Variants in WWOX observed in about 807,000 individuals in gnomAD.
WWOX encodes WW domain containing oxidoreductase.
A neutral mutation model predicts 46.2 loss-of-function variants in WWOX; 69 were observed. The observed-to-expected ratio is 1.49, with a 90% CI of 1.23 to 1.82. WWOX has a LOEUF of 1.82. Among genes scored for constraint, WWOX ranks in the 40% most tolerant of loss-of-function variants. WWOX has a pLI of 0.00. For synonymous variants in WWOX, 359 were observed against 202.6 expected (o/e 1.77, Z -6.56); for missense variants, 919 against 542.6 (o/e 1.69, Z -6.89).
intron 5 of WWOX, among the ~76,000 whole-genome samples, chr16:78,239,016 C>T (rs150317903): frequency 3.6e-4 from 55 of 152,272 alleles, no homozygotes; most frequent in East Asian, 2.7e-3. Flanking sequence ...CTCTCCACTT[C>T]GTGGACTCCT....
chr16:78,179,009 C>T (rs1027674901), intron 5 of WWOX, among the ~76,000 whole-genome samples: 2 of 152,036 alleles, frequency 1.3e-5, no homozygotes, highest in African/African-American at 4.8e-5. Context: ...GAGGAGAAGC[C>T]AGGGCACTTG....
chr16:79,210,166 G>A (rs1306955367), intron 8 of WWOX, among the ~76,000 whole-genome samples: 4 of 152,164 alleles, frequency 2.6e-5, no homozygotes, highest in Non-Finnish European at 5.9e-5. Context: ...TCACTTGACT[G>A]CATTTGACCA....
At chr16:79,003,416 C>G (rs956503555) in intron 8 of WWOX, among the ~76,000 whole-genome samples, 1 of 152,182 alleles carries the variant, frequency 6.6e-6, no homozygotes, top group African/African-American at 2.4e-5. Flanking sequence ...GCCTCTTCCG[C>G]TTATCTATTG....
chr16:78,853,614 C>A (rs892242676), intron 8 of WWOX, among the ~76,000 whole-genome samples: 3 of 152,120 alleles, frequency 2.0e-5, no homozygotes, highest in Admixed American at 1.3e-4. Flanking sequence ...AGGATTTTAT[C>A]TGAAAAACCT....
intron 8 of WWOX, among the ~76,000 whole-genome samples, chr16:78,887,763 T>A (rs2044498827): frequency 6.6e-6 from 1 of 152,232 alleles, no homozygotes; most frequent in African/African-American, 2.4e-5. Flanking sequence ...CCATTTGCCT[T>A]TCGGGATGTT....
At chr16:79,210,762 C>G (rs202244297) in intron 8 of WWOX, among the ~76,000 whole-genome samples, 1 of 152,030 alleles carries the variant, frequency 6.6e-6, no homozygotes, top group African/African-American at 2.4e-5. Flanking sequence ...TATAGCATCC[C>G]TGACAGTATT....
intron 8 of WWOX, among the ~76,000 whole-genome samples, chr16:78,682,783 C>T (rs2047760654): frequency 6.6e-6 from 1 of 152,166 alleles, no homozygotes. Context: ...GGAGCCAGTA[C>T]TTCTTGCACC....
At chr16:78,292,126 G>A (rs1424385186) in intron 5 of WWOX, among the ~76,000 whole-genome samples, 1 of 149,538 alleles carries the variant, frequency 6.7e-6, no homozygotes, top group Non-Finnish European at 1.5e-5. Flanking sequence ...GAGTGCAGTG[G>A]TGCAATCTCA....
intron 8 of WWOX, among the ~76,000 whole-genome samples, chr16:78,611,929 T>C (rs373437516): frequency 5.3e-5 from 8 of 152,190 alleles, no homozygotes; most frequent in African/African-American, 1.4e-4. Flanking sequence ...CAGAAGCCAA[T>C]GAGCTATAGG....
intron 5 of WWOX, among the ~76,000 whole-genome samples, chr16:78,262,267 G>C (rs1481103234): frequency 6.6e-6 from 1 of 151,156 alleles, no homozygotes; most frequent in Non-Finnish European, 1.5e-5. Flanking sequence ...GTTAGATACA[G>C]TGTATCTCTG....
intron 8 of WWOX, among the ~76,000 whole-genome samples, chr16:78,457,647 C>G (rs905404054): frequency 1.3e-5 from 2 of 152,122 alleles, no homozygotes; most frequent in African/African-American, 4.8e-5. Context: ...TGTACGGTGG[C>G]TCATGCCTGT....
chr16:79,103,466 G>A (rs935752327), intron 8 of WWOX, among the ~76,000 whole-genome samples: 1 of 152,090 alleles, frequency 6.6e-6, no homozygotes, highest in Non-Finnish European at 1.5e-5. Flanking sequence ...CTTGGATTTT[G>A]TGCCTCTTCC....
At chr16:78,318,992 A>G (rs760354124) in intron 5 of WWOX, among the ~76,000 whole-genome samples, 1 of 152,316 alleles carries the variant, frequency 6.6e-6, no homozygotes, top group South Asian at 2.1e-4. Flanking sequence ...AAGATTGCAG[A>G]TGAAATTCAA....
chr16:79,148,190 A>G (rs1296078123), intron 8 of WWOX, among the ~76,000 whole-genome samples: 2 of 152,106 alleles, frequency 1.3e-5, no homozygotes, highest in Non-Finnish European at 2.9e-5. Context: ...TTTTTCCTAA[A>G]AGTCATATAT....
chr16:78,469,374 A>G (rs1160695953), intron 8 of WWOX, among the ~76,000 whole-genome samples: 1 of 152,188 alleles, frequency 6.6e-6, no homozygotes, highest in Non-Finnish European at 1.5e-5. Flanking sequence ...CTCTTAAGCT[A>G]CAAAATACAT....
chr16:78,675,610 C>T (rs139905963), intron 8 of WWOX, among the ~76,000 whole-genome samples: 9 of 152,180 alleles, frequency 5.9e-5, no homozygotes, highest in Admixed American at 2.6e-4. Flanking sequence ...CCCTACTGCT[C>T]GCAACCTCAG....
intron 5 of WWOX, among the ~76,000 whole-genome samples, chr16:78,375,683 C>G (rs1032931617): frequency 3.3e-5 from 5 of 152,068 alleles, no homozygotes; most frequent in East Asian, 3.8e-4. Context: ...GTGGGTATCT[C>G]TTGACCTAGT....
intron 6 of WWOX, among the ~76,000 whole-genome samples, chr16:78,406,855 A>G (rs887356491): frequency 4.6e-5 from 7 of 151,882 alleles, no homozygotes; most frequent in Non-Finnish European, 1.0e-4. Context: ...CAAACTCATG[A>G]CCTCAAGTGA....
chr16:78,925,640 A>C (rs908897404), intron 8 of WWOX, among the ~76,000 whole-genome samples: 2 of 151,964 alleles, frequency 1.3e-5, no homozygotes, highest in Non-Finnish European at 2.9e-5. Flanking sequence ...ACTGTACAGA[A>C]CTCTTTTCCT....
Sources: allele counts gnomAD v4.1 joint callset (sites outside exome capture counted in the v4.1 genomes callset), GRCh38; gene constraint gnomAD v4.1.1; transcripts MANE v1.5; gene names NCBI Gene and HGNC (gene_info 2026-07-23, HGNC 2026-07-21).